The following CACNA2D3 variants were observed in gnomAD, a reference collection of about 807,000 sequenced individuals.
CACNA2D3 encodes the protein calcium voltage-gated channel auxiliary subunit alpha2delta 3.
Under a neutral mutation model 160.6 loss-of-function variants are expected in CACNA2D3, and 60 were observed. The ratio of observed to expected loss-of-function variants is 0.37; its 90% CI spans 0.30 to 0.46. The LOEUF is 0.46. Ranked by LOEUF, CACNA2D3 falls within the 20% of genes least tolerant of loss-of-function variation. The pLI is 1.00. For synonymous variants in CACNA2D3, 558 were observed against 492.9 expected, an observed-to-expected ratio of 1.13 and a Z score of -1.75; for missense variants, 1,205 against 1,365.0, an observed-to-expected ratio of 0.88 and a Z score of 1.85.
At chr3:54,867,173 C>G (rs957431762) in intron 17 of CACNA2D3, among the ~76,000 whole-genome samples, 1 of 152,102 alleles carries the variant, frequency 6.6e-6, no homozygotes, top group Non-Finnish European at 1.5e-5. Context: ...GTGGTGGAGC[C>G]GAGGGACCTG....
At chr3:54,714,030 G>GC (rs1043507624) in intron 11 of CACNA2D3, among the ~76,000 whole-genome samples, 2 of 152,136 alleles carry the variant, frequency 1.3e-5, no homozygotes, top group Non-Finnish European at 2.9e-5. Flanking sequence ...TGACAAGTGA[G>GC]CAGAGGGACA....
intron 2 of CACNA2D3, among the ~76,000 whole-genome samples, chr3:54,169,338 A>AT (rs35029686): frequency 0.26 from 39,537 of 151,770 alleles, 5,235 homozygotes; most frequent in East Asian, 0.36. Flanking sequence ...ATGTAAAGGG[A>AT]TTTTTTTGGA....
rs191066216 is a variant in CACNA2D3 at position 54,942,041 on chromosome 3, G to C, written c.2450-26409G>C. Among the ~76,000 whole-genome samples the C allele has an allele frequency of 2.4e-4, 37 of 152,304 alleles. No homozygotes were observed. The East Asian group carries it at 6.9e-3, about 29-fold the overall frequency. Reference sequence around the variant, plus strand: ...TATTCTTGGGATCAGTTTCTTTCTTGTAAAAATGCGTCCTCAGTCACATAG... The same window carrying C: ...TATTCTTGGGATCAGTTTCTTTCTTCTAAAAATGCGTCCTCAGTCACATAG... On this transcript the variant is annotated intron_variant, in intron 27 of 37. Coordinates refer to ENST00000474759, the MANE Select transcript of CACNA2D3 (RefSeq NM_018398.3).
chr3:54,627,564 C>A (rs1205801533), intron 9 of CACNA2D3, among the ~76,000 whole-genome samples: 1 of 152,190 alleles, frequency 6.6e-6, no homozygotes, highest in East Asian at 1.9e-4. Context: ...CAGAGTTCAA[C>A]TGATTTTCTT....
At chr3:54,620,899 A>C (rs1035239724) in intron 9 of CACNA2D3, among the ~76,000 whole-genome samples, 1 of 152,232 alleles carries the variant, frequency 6.6e-6, no homozygotes, top group Non-Finnish European at 1.5e-5. Flanking sequence ...GTAATGTACA[A>C]AAAGCACGTG....
At chr3:54,323,220 C>G (rs1365446850) in intron 3 of CACNA2D3, among the ~76,000 whole-genome samples, 2 of 152,162 alleles carry the variant, frequency 1.3e-5, no homozygotes, top group African/African-American at 2.4e-5. Flanking sequence ...GACTCTTTTC[C>G]TATTTTAATG....
intron 11 of CACNA2D3, among the ~76,000 whole-genome samples, chr3:54,721,854 A>G (rs1243629267): frequency 6.6e-6 from 1 of 151,044 alleles, no homozygotes; most frequent in Admixed American, 6.6e-5. Context: ...TTTTTCCTTC[A>G]TTTCAACCTT....
rs113480527 is a variant in CACNA2D3, at chr3:54,716,454, G to A, written c.1168-36145G>A. 8.3e-3 allele frequency among the ~76,000 whole-genome samples: 1,257 copies of A among 152,260 alleles called. 10 individuals are homozygous for A. Among genetic ancestry groups the A allele is most frequent in the Non-Finnish European group, 0.013 (905 of 68,018 alleles). On this transcript the variant is annotated intron_variant, in intron 11 of 37. Coordinates refer to ENST00000474759, the MANE Select transcript of CACNA2D3 (RefSeq NM_018398.3). Reference sequence around the variant, plus strand: ...ACAATCTTGTGAATCCATATGTTGCGTGTGAAAAGGAGGGGGTAGACGTTA... The same window carrying A: ...ACAATCTTGTGAATCCATATGTTGCATGTGAAAAGGAGGGGGTAGACGTTA...
chr3:54,334,360 A>G (rs1232563497), intron 3 of CACNA2D3, among the ~76,000 whole-genome samples: 2 of 152,198 alleles, frequency 1.3e-5, no homozygotes, highest in East Asian at 3.8e-4. Flanking sequence ...TGCTGGGATT[A>G]CAGGCTATTT....
intron 2 of CACNA2D3, chr3:54,272,900 C>T (rs1279400026): frequency 6.6e-6 from 1 of 152,360 alleles, no homozygotes; most frequent in African/African-American, 2.4e-5. Context: ...CCAAACGGCT[C>T]TGGCCACCTT....
chr3:54,323,405 C>G (rs765107522), intron 3 of CACNA2D3, among the ~76,000 whole-genome samples: 3 of 151,980 alleles, frequency 2.0e-5, no homozygotes, highest in Non-Finnish European at 4.4e-5. Flanking sequence ...CCCATGCCAC[C>G]CACTGGGCAG....
intron 27 of CACNA2D3, among the ~76,000 whole-genome samples, chr3:54,958,216 C>G (rs943225810): frequency 1.3e-5 from 2 of 152,196 alleles, no homozygotes; most frequent in Non-Finnish European, 1.5e-5. Flanking sequence ...TAACTGCTGA[C>G]AAGAAAACCA....
chr3:54,649,853 A>G (rs1208485753), intron 11 of CACNA2D3, among the ~76,000 whole-genome samples: 2 of 152,328 alleles, frequency 1.3e-5, no homozygotes, highest in East Asian at 3.9e-4. Flanking sequence ...GGCAGAGTTG[A>G]CCTATCCATA....
At chr3:54,674,524 A>T (rs1489258891) in intron 11 of CACNA2D3, among the ~76,000 whole-genome samples, 3 of 152,190 alleles carry the variant, frequency 2.0e-5, no homozygotes, top group Non-Finnish European at 2.9e-5. Flanking sequence ...TTAAAGTGGG[A>T]CTGGCCAACA....
chr3:54,459,678 T>C (rs1360624369), intron 4 of CACNA2D3, among the ~76,000 whole-genome samples: 3 of 151,954 alleles, frequency 2.0e-5, no homozygotes, highest in African/African-American at 7.2e-5. Flanking sequence ...ATTAGCCCTT[T>C]GTCAGATGAG....
At position 54,386,763 on chromosome 3, in the gene CACNA2D3, G is replaced by T; in HGVS notation, c.370G>T (p.Ala124Ser). The change falls in exon 4 of 38, where the codon GCA becomes TCA. Residue 124 changes from alanine to serine, a missense_variant. Ala to Ser is a moderately conservative substitution (Grantham distance 99, BLOSUM62 1). Transcript: ENST00000474759. The stretch of plus-strand genomic sequence containing the variant: ...AGCACACCTGAAACATGAATTTGAT[G>T]CAGACTTACAGGTAACTGATTATAG... Reference protein sequence around the residue: ...EEAHLKHEFDADLQYEYFNAV... With the variant: ...EEAHLKHEFDSDLQYEYFNAV... 1.3e-6 allele frequency: 2 copies of T among 1,590,188 alleles called. No homozygotes were observed.
At chr3:54,755,205 C>T (rs939877918) in intron 12 of CACNA2D3, among the ~76,000 whole-genome samples, 1 of 152,046 alleles carries the variant, frequency 6.6e-6, no homozygotes, top group African/African-American at 2.4e-5. Context: ...TTCTCCTCAC[C>T]CCTTTGAAGA....
intron 9 of CACNA2D3, among the ~76,000 whole-genome samples, chr3:54,606,922 C>T (rs562699957): frequency 3.4e-4 from 52 of 152,288 alleles, no homozygotes; most frequent in African/African-American, 1.2e-3. Context: ...TGCAGATATT[C>T]GCTTCATGCT....
At chr3:54,198,206 G>A (rs780096114) in intron 2 of CACNA2D3, among the ~76,000 whole-genome samples, 7 of 152,204 alleles carry the variant, frequency 4.6e-5, no homozygotes, top group African/African-American at 7.2e-5. Flanking sequence ...ACCTAAAAGA[G>A]CCCCCATCCT....
Sources: gnomAD v4.1 joint callset for allele counts (sites outside exome capture counted in the v4.1 genomes callset) on GRCh38, gnomAD v4.1.1 for gene constraint, MANE v1.5 for transcripts, NCBI Gene and HGNC (gene_info 2026-07-23, HGNC 2026-07-21) for gene names.